Variants in RELN observed in about 807,000 individuals in gnomAD.
RELN encodes the protein reelin.
A neutral mutation model predicts 427.6 loss-of-function variants in RELN; 108 were observed. The observed-to-expected ratio is 0.25, with a 90% CI of 0.22 to 0.30. The LOEUF (loss-of-function observed/expected upper bound fraction) is 0.30. Ranked by LOEUF, RELN falls within the 10% of genes least tolerant of loss-of-function variation. The pLI is 1.00. For missense variants in RELN, 3,715 were observed against 4,302.8 expected, an observed-to-expected ratio of 0.86 and a Z score of 3.82; for synonymous variants, 1,524 against 1,513.4, an observed-to-expected ratio of 1.01 and a Z score of -0.16.
At chr7:103,791,877 T>C (rs1792170435) in intron 3 of RELN, among the ~76,000 whole-genome samples, 1 of 151,900 alleles carries the variant, frequency 6.6e-6, no homozygotes, top group South Asian at 2.1e-4. Flanking sequence ...TCTTTACAAC[T>C]CAATAAAAAA....
At chr7:103,619,231 T>TG in intron 20 of RELN, among the ~76,000 whole-genome samples, 1 of 152,178 alleles carries the variant, frequency 6.6e-6, no homozygotes, top group Non-Finnish European at 1.5e-5. Flanking sequence ...GAGATAGAAT[T>TG]GGGGGGAATG....
intron 10 of RELN, among the ~76,000 whole-genome samples, chr7:103,688,422 T>C (rs1833806759): frequency 6.6e-6 from 1 of 152,086 alleles, no homozygotes; most frequent in African/African-American, 2.4e-5. Flanking sequence ...CTGAAACCTT[T>C]TTTCTGAGGT....
At chr7:103,651,015 T>C (rs1253282200) in intron 15 of RELN, among the ~76,000 whole-genome samples, 1 of 152,106 alleles carries the variant, frequency 6.6e-6, no homozygotes, top group Non-Finnish European at 1.5e-5. Flanking sequence ...TATTATCTTA[T>C]GCTAGGCATC....
intron 64 of RELN, among the ~76,000 whole-genome samples, chr7:103,473,489 G>GC (rs895753565): frequency 3.3e-5 from 5 of 152,114 alleles, no homozygotes; most frequent in African/African-American, 1.2e-4. Flanking sequence ...CAAACCATAA[G>GC]CATCTGGGTT....
chr7:103,939,723 G>T (rs1228392572), intron 1 of RELN, among the ~76,000 whole-genome samples: 5 of 152,116 alleles, frequency 3.3e-5, no homozygotes, highest in Admixed American at 1.3e-4. Flanking sequence ...ATGAAAAACT[G>T]GAACAGCCTA....
intron 3 of RELN, among the ~76,000 whole-genome samples, chr7:103,790,837 T>C (rs572199901): frequency 1.1e-4 from 16 of 151,910 alleles, no homozygotes; most frequent in Non-Finnish European, 1.8e-4. Flanking sequence ...TGGTGCATGC[T>C]TGTAGTCCCA....
intron 4 of RELN, among the ~76,000 whole-genome samples, chr7:103,760,587 T>C (rs1051700778): frequency 1.3e-5 from 2 of 151,898 alleles, no homozygotes; most frequent in African/African-American, 4.8e-5. Context: ...GAAAATGAAT[T>C]CAGGAGGTGG....
intron 14 of RELN, 138 bp downstream of exon 14, chr7:103,652,413 G>A (rs1012201659): frequency 2.8e-6 from 2 of 704,280 alleles, no homozygotes; most frequent in Non-Finnish European, 2.4e-6. Flanking sequence ...TTTTCATTTG[G>A]CAAAAGTGTG....
At chr7:103,500,986 C>T in intron 52 of RELN, 64 bp from the exon 53 acceptor site, 1 of 1,438,044 alleles carries the variant, frequency 7.0e-7, no homozygotes, top group Non-Finnish European at 9.8e-7. Context: ...GTCCATTGTC[C>T]TGCATGTGTA....
Position 103,727,985 on chromosome 7 carries a change from G to C in RELN, c.753+126C>G. 3 of 842,428 alleles carry C rather than the reference G, an allele frequency of 3.6e-6. No individual in the cohort carries two copies. The Admixed American group carries it at 6.0e-5, about 17-fold the overall frequency. The allele number at this position is 842,428 out of a possible 1,614,324, so 52.2% of individuals were successfully genotyped here. On this transcript the variant is annotated intron_variant, in intron 7 of 64. Transcript: ENST00000428762. The stretch of plus-strand genomic sequence containing the variant: ...CACCCCTCCCAATTTTAAGATATTT[G>C]TAATAGGACTCATAAATCATATTTG...
chr7:103,728,286 A>C (rs1468752184), intron 6 of RELN, 79 bp from the exon 7 acceptor site: 5 of 1,310,298 alleles, frequency 3.8e-6, no homozygotes, highest in African/African-American at 1.5e-5. Context: ...GAAACGATAT[A>C]ATATTTATTG....
intron 11 of RELN, among the ~76,000 whole-genome samples, chr7:103,675,443 A>T (rs989343127): frequency 6.6e-6 from 1 of 152,178 alleles, no homozygotes; most frequent in Non-Finnish European, 1.5e-5. Context: ...AATCAATATC[A>T]TGAAAATGGT....
At position 103,699,992 on chromosome 7, in the gene RELN, G is replaced by A. The variant is rs1182275437; in HGVS notation, c.902+918C>T. Among the ~76,000 whole-genome samples the A allele has an allele frequency of 3.3e-5, 5 of 151,902 alleles. No homozygotes were observed. In the East Asian group the frequency reaches 9.7e-4, roughly 29 times the overall value. ...CTACCAAAGAAACTTTAGACAAACT[G>A]GCTTAATATTATACTGACAGCCTAA... On this transcript the variant is annotated intron_variant, in intron 9 of 64. Coordinates refer to ENST00000428762, the MANE Select transcript of RELN (RefSeq NM_005045.4).
In RELN at chr7:103,700,938, C is replaced by G. The variant is rs1478514178; in HGVS notation, c.874G>C (p.Ala292Pro). Reference protein sequence around the residue: ...IIVLYAKNNSADWIQLEKIRA... With the variant: ...IIVLYAKNNSPDWIQLEKIRA... ...ATTTTCTCTAGCTGAATCCAGTCCG[C>G]AGAGTTATTCTTGGCATATAACACG... Residue 292 changes from alanine (A) to proline (P), a missense_variant, in exon 9 of 65, where the codon GCG (alanine) becomes CCG (proline). Ala to Pro is a conservative substitution (Grantham distance 27). Coordinates refer to ENST00000428762, the MANE Select transcript of RELN (RefSeq NM_005045.4). 13 of 1,610,760 alleles carry G rather than the reference C, an allele frequency of 8.1e-6. 1 individual carries two copies. Among genetic ancestry groups the G allele is most frequent in the Non-Finnish European group, 1.1e-5 (13 of 1,177,122 alleles).
chr7:103,508,930 A>G (rs192914097), intron 51 of RELN, among the ~76,000 whole-genome samples: 6 of 152,336 alleles, frequency 3.9e-5, no homozygotes, highest in Non-Finnish European at 2.9e-5. Flanking sequence ...CTTAGGAATA[A>G]TACAACTTAC....
intron 3 of RELN, among the ~76,000 whole-genome samples, chr7:103,804,065 CAG>C (rs1025998924): frequency 1.5e-4 from 23 of 152,178 alleles, no homozygotes; most frequent in African/African-American, 5.3e-4. Flanking sequence ...CTCAGAGAGA[CAG>C]AGTCTTTATC....
At chr7:103,671,068 G>A (rs1014777413) in intron 11 of RELN, among the ~76,000 whole-genome samples, 1 of 152,034 alleles carries the variant, frequency 6.6e-6, no homozygotes, top group African/African-American at 2.4e-5. Context: ...ATTTGGGATG[G>A]ATGCTCTGCT....
chr7:103,498,255 G>T lies in RELN; in HGVS notation c.8668-3C>A, dbSNP rs748891068. 1 of 1,613,116 alleles carries T rather than the reference G, an allele frequency of 6.2e-7. No homozygotes were observed. Among genetic ancestry groups the T allele is most frequent in the South Asian group, 1.1e-5 (1 of 91,064 alleles). ...TCAAAGCGTTCCTTCAGGAAAGTCT[G>T]GAAATAAAATAAGCCAGATGTGGTT... On this transcript the variant is annotated splice_polypyrimidine_tract_variant and splice_region_variant and intron_variant, in intron 53 of 64. Transcript: ENST00000428762.
At chr7:103,735,229 T>C (rs889967597) in intron 6 of RELN, among the ~76,000 whole-genome samples, 4 of 152,172 alleles carry the variant, frequency 2.6e-5, no homozygotes, top group African/African-American at 9.7e-5. Flanking sequence ...AAGCTTGTTA[T>C]TTTGTTATTA....
Sources: allele counts gnomAD v4.1 joint callset (sites outside exome capture counted in the v4.1 genomes callset), GRCh38; gene constraint gnomAD v4.1.1; transcripts MANE v1.5; gene names NCBI Gene and HGNC (gene_info 2026-07-23, HGNC 2026-07-21).